The following TSGA10IP variants were observed in gnomAD, a reference collection of about 807,000 sequenced individuals.
TSGA10IP encodes the protein testis-specific protein 10-interacting protein.
A neutral mutation model predicts 63.2 loss-of-function variants in TSGA10IP; 64 were observed. The observed-to-expected ratio is 1.01, with a 90% CI of 0.83 to 1.25. The LOEUF is 1.25. TSGA10IP is among the 50% of genes most tolerant of loss of function. The probability of loss-of-function intolerance (pLI) is 0.00; values close to 1 mark genes in which losing one functional copy is unlikely to be tolerated. For synonymous variants in TSGA10IP, 316 were observed against 298.3 expected, an observed-to-expected ratio of 1.06 and a Z score of -0.61; for missense variants, 681 against 710.1, an observed-to-expected ratio of 0.96 and a Z score of 0.47.
At chr11:65,951,801 C>T (rs1854946562) in intron 4 of TSGA10IP, among the ~76,000 whole-genome samples, 1 of 151,284 alleles carries the variant, frequency 6.6e-6, no homozygotes, top group Non-Finnish European at 1.5e-5. Context: ...CTGCCTCCAC[C>T]TCCCAAAGTG....
At chr11:65,953,919 A>G (rs1008338167) in intron 5 of TSGA10IP, among the ~76,000 whole-genome samples, 182 bp downstream of exon 5, 2 of 152,226 alleles carry the variant, frequency 1.3e-5, no homozygotes, top group Non-Finnish European at 2.9e-5. Flanking sequence ...AAGGCCACCC[A>G]GTTAATAATG....
At position 65,947,222 on chromosome 11, in the gene TSGA10IP, C is replaced by T. The variant is rs1296095349; in HGVS notation, c.397C>T (p.Gln133Ter). 1.2e-6 allele frequency: 2 copies of T among 1,608,622 alleles called. No individual in the cohort carries two copies. The highest frequency in any genetic ancestry group is 2.2e-5 in the East Asian group (1 of 44,546). ...GCCAAGCTCCCCAACCCCTGGCCAC[C>T]AAGCCCTGCCCATGCCCTCCTCGTT... is the stretch of plus-strand genomic sequence containing the variant. Residue 133 changes from glutamine (Q) to a stop codon, truncating the protein, a stop_gained, in exon 3 of 8, where the codon CAA (glutamine) becomes TAA (stop). Coordinates refer to ENST00000532620, the Ensembl canonical transcript of TSGA10IP. LOFTEE classifies it high-confidence loss of function.
exon 7 of TSGA10IP, chr11:65,959,234 G>A: frequency 1.9e-6 from 3 of 1,608,872 alleles, no homozygotes; most frequent in Non-Finnish European, 2.5e-6. Context: ...CCCAGGTGCT[G>A]TCAGCACTGG....
intron 4 of TSGA10IP, among the ~76,000 whole-genome samples, chr11:65,949,056 T>C (rs1461908638): frequency 6.6e-6 from 1 of 151,864 alleles, no homozygotes; most frequent in East Asian, 1.9e-4. Context: ...AAAAAAAGAT[T>C]AGCCTGGCTT....
intron 4 of TSGA10IP, among the ~76,000 whole-genome samples, chr11:65,953,011 ATTTCTTTTTTCTTTC>A (rs1854965398): frequency 1.4e-5 from 2 of 143,806 alleles, no homozygotes; most frequent in Non-Finnish European, 3.1e-5. Context: ...AGCACCCTTC[ATTTCTTTTTTCTTTC>A]TTTCTTTTTT....
At chr11:65,951,592 C>A (rs1854944079) in intron 4 of TSGA10IP, among the ~76,000 whole-genome samples, 1 of 150,756 alleles carries the variant, frequency 6.6e-6, no homozygotes, top group Non-Finnish European at 1.5e-5. Context: ...GGCTAGAGTG[C>A]AGTGCCACGA....
chr11:65,955,549 G>GT (rs2134883700), intron 5 of TSGA10IP, among the ~76,000 whole-genome samples: 1 of 151,880 alleles, frequency 6.6e-6, no homozygotes, highest in East Asian at 1.9e-4. Flanking sequence ...GGAGGCGGAG[G>GT]TTGCAGTGAG....
At chr11:65,948,231 A>C (rs1036761127) in intron 4 of TSGA10IP, 83 bp downstream of exon 4, 24 of 1,454,238 alleles carry the variant, frequency 1.7e-5, no homozygotes, top group Non-Finnish European at 2.2e-5. Context: ...TAGGCATTTG[A>C]ACTCTCATTC....
chr11:65,946,914 A>T, exon 2 of TSGA10IP: 1 of 1,613,944 alleles, frequency 6.2e-7, no homozygotes, highest in Non-Finnish European at 8.5e-7. Context: ...GTGCCAAATC[A>T]AGACCTGCAG....
chr11:65,947,429 GGGA>G lies in TSGA10IP; in HGVS notation c.610_612del (p.Arg204del), dbSNP rs145911640. 6.7e-3 allele frequency: 10,887 copies of G among 1,613,632 alleles called. 53 individuals carry two copies. The highest frequency in any genetic ancestry group is 7.7e-3 in the Non-Finnish European group (9,054 of 1,179,728). ...GCCCCCCAGTGGTCTCCAGCTGCCT[GGGA>G]GGAGGCCAGGATCAGGATCGGCGTC... On this transcript the variant is annotated inframe_deletion, in exon 3 of 8. Transcript: ENST00000532620.
chr11:65,947,941 G>T (rs1229272943), intron 3 of TSGA10IP, 60 bp from the exon 4 acceptor site: 3 of 1,526,462 alleles, frequency 2.0e-6, no homozygotes, highest in African/African-American at 1.4e-5. Context: ...GTGCTGGGGG[G>T]CGTTGCCTGG....
chr11:65,953,533 G>A (rs774647220), intron 4 of TSGA10IP, 34 bp from the exon 5 acceptor site: 1 of 1,518,590 alleles, frequency 6.6e-7, no homozygotes, highest in Non-Finnish European at 8.8e-7. Context: ...TGCTGCCCGT[G>A]AACCTCTCAT....
At chr11:65,951,176 C>T (rs148689266) in intron 4 of TSGA10IP, among the ~76,000 whole-genome samples, 1 of 152,278 alleles carries the variant, frequency 6.6e-6, no homozygotes, top group East Asian at 1.9e-4. Context: ...AGTACAGCTA[C>T]CTCTTCAACA....
At chr11:65,956,396 C>CA (rs1855025232) in intron 5 of TSGA10IP, among the ~76,000 whole-genome samples, 2 of 152,152 alleles carry the variant, frequency 1.3e-5, no homozygotes, top group African/African-American at 4.8e-5. Context: ...CTCAGCCTCC[C>CA]AAAGTGCTAG....
exon 3 of TSGA10IP, chr11:65,947,230 G>T (rs779782314): frequency 6.2e-7 from 1 of 1,609,528 alleles, no homozygotes; most frequent in Non-Finnish European, 8.5e-7. Context: ...ACCAAGCCCT[G>T]CCCATGCCCT....
chr11:65,954,183 T>G (rs1345212673), intron 5 of TSGA10IP, among the ~76,000 whole-genome samples: 1 of 151,608 alleles, frequency 6.6e-6, no homozygotes, highest in Non-Finnish European at 1.5e-5. Context: ...TTTTTTTTTT[T>G]GAGACGGAGT....
chr11:65,947,797 G>A (rs1415923534), exon 3 of TSGA10IP: 2 of 1,575,024 alleles, frequency 1.3e-6, no homozygotes, highest in South Asian at 2.3e-5. Context: ...TGGAGAAGCT[G>A]CACAGGCAGC....
At chr11:65,946,794 T>A in intron 1 of TSGA10IP, 86 bp from the exon 2 acceptor site, 3 of 1,490,310 alleles carry the variant, frequency 2.0e-6, no homozygotes, top group Middle Eastern at 2.2e-4. Context: ...CCCAGCCAGG[T>A]GCACAGAGGG....
At position 65,959,286 on chromosome 11, in the gene TSGA10IP, GAC is replaced by G. The variant is rs1565309524; in HGVS notation, c.1521_1522del (p.Asp507GlufsTer36). 1 of 1,611,388 alleles carries G rather than the reference GAC, an allele frequency of 6.2e-7. No individual in the cohort carries two copies. The highest frequency in any genetic ancestry group is 8.5e-7 in the Non-Finnish European group (1 of 1,179,472). On this transcript the variant is annotated frameshift_variant, in exon 7 of 8. Coordinates refer to ENST00000532620, the Ensembl canonical transcript of TSGA10IP. LOFTEE classifies it low-confidence loss of function (END_TRUNC). ...GCTGCTGTCTGAGGCAGGAAAGGTG[GAC>G]AGAGAGGGCACCCCCAGGAAACCCA...
Sources: gnomAD v4.1 joint callset for allele counts (sites outside exome capture counted in the v4.1 genomes callset) on GRCh38, gnomAD v4.1.1 for gene constraint, MANE v1.5 for transcripts, NCBI Gene and HGNC (gene_info 2026-07-23, HGNC 2026-07-21) for gene names.